UGT1A6: variants seen among roughly 807,000 people sequenced by gnomAD.
UGT1A6 encodes the protein UDP glucuronosyltransferase family 1 member A6.
In UGT1A6, 32 loss-of-function variants were observed where a neutral mutation model predicts 44.4. That is an observed-to-expected ratio of 0.72 (90% CI 0.54 to 0.97). The LOEUF (loss-of-function observed/expected upper bound fraction) is 0.97. UGT1A6 is among the 50% of genes least tolerant of loss of function. The pLI, the probability that UGT1A6 is intolerant of heterozygous loss-of-function variation, is 0.00. For synonymous variants in UGT1A6, 238 were observed against 248.5 expected (o/e 0.96, Z 0.40); for missense variants, 685 against 661.9 (o/e 1.03, Z -0.38).
intron 1 of UGT1A6, among the ~76,000 whole-genome samples, chr2:233,749,081 G>A (rs958459779): frequency 6.6e-6 from 1 of 151,758 alleles, no homozygotes; most frequent in African/African-American, 2.4e-5. Flanking sequence ...TCCTTGGTGT[G>A]CCATGTATTT....
At chr2:233,764,492 C>G (rs1698575712) in intron 1 of UGT1A6, among the ~76,000 whole-genome samples, 1 of 152,096 alleles carries the variant, frequency 6.6e-6, no homozygotes, top group African/African-American at 2.4e-5. Context: ...TGTTTATGGA[C>G]CTGTGGGTTC....
intron 1 of UGT1A6, among the ~76,000 whole-genome samples, chr2:233,716,316 T>C (rs1429812588): frequency 1.3e-5 from 2 of 152,236 alleles, no homozygotes; most frequent in Non-Finnish European, 2.9e-5. Context: ...CCACCTGTAA[T>C]GGAATATATT....
intron 1 of UGT1A6, among the ~76,000 whole-genome samples, chr2:233,695,134 T>C (rs112070935): frequency 8.5e-5 from 6 of 70,536 alleles, no homozygotes; most frequent in South Asian, 5.4e-4. Context: ...TCTTTTCTTT[T>C]TTTTTTTTTT....
At chr2:233,740,771 A>G (rs1027399973) in intron 1 of UGT1A6, 1 of 151,854 alleles carries the variant, frequency 6.6e-6, no homozygotes, top group African/African-American at 2.4e-5. Context: ...AAACCGTTGT[A>G]TAAAAGATGA....
chr2:233,747,198 C>T (rs375624902), intron 1 of UGT1A6: 21 of 1,604,164 alleles, frequency 1.3e-5, no homozygotes, highest in Non-Finnish European at 1.8e-5. Context: ...GTCAGCTGTC[C>T]GTGTCTTCTG....
In UGT1A6 at chr2:233,759,136, T is replaced by C. The variant is rs1257027587; in HGVS notation, c.862-7898T>C. 2.6e-5 allele frequency among the ~76,000 whole-genome samples: 4 copies of C among 152,326 alleles called. No individual in the cohort carries two copies. In the East Asian group the frequency reaches 7.7e-4, roughly 29 times the overall value. ...GGGAGTTACAGCCTCTGGTACGCAA[T>C]GAAGGTGAGTTCCACAGAACACAAG... On this transcript the variant is annotated intron_variant, in intron 1 of 4. Transcript: ENST00000305139.
chr2:233,743,077 A>C (rs980978105), intron 1 of UGT1A6: 3 of 344,556 alleles, frequency 8.7e-6, no homozygotes, highest in African/African-American at 2.2e-5. Context: ...TGTTGGCATG[A>C]AGTGTTTATA....
chr2:233,765,938 G>C (rs1244987830), intron 1 of UGT1A6, among the ~76,000 whole-genome samples: 1 of 152,062 alleles, frequency 6.6e-6, no homozygotes, highest in Non-Finnish European at 1.5e-5. Context: ...AGGTTGTGGG[G>C]CTCTGACCTC....
At chr2:233,765,730 T>TAATAAA (rs1427774434) in intron 1 of UGT1A6, among the ~76,000 whole-genome samples, 195 of 150,280 alleles carry the variant, frequency 1.3e-3, no homozygotes, top group Admixed American at 3.5e-3. Context: ...ATAATAATAA[T>TAATAAA]AAATAAACCC....
At position 233,769,453 on chromosome 2, in the gene UGT1A6, GCATT is replaced by G; in HGVS notation, c.1301+1018_1301+1021del. The G allele has an allele frequency of 6.3e-7, 1 of 1,591,058 alleles. No homozygotes were observed. Among genetic ancestry groups the G allele is most frequent in the Non-Finnish European group, 8.6e-7 (1 of 1,161,716 alleles). Reference sequence around the variant, plus strand: ...TGCTCATGTGTGGGTGCACACGTGTGCATTCATATGCGTGTGTGTGTGTGTGCGT... The same window carrying G: ...TGCTCATGTGTGGGTGCACACGTGTGCATATGCGTGTGTGTGTGTGTGCGT... On this transcript the variant is annotated intron_variant, in intron 4 of 4. Coordinates refer to ENST00000305139, the MANE Select transcript of UGT1A6 (RefSeq NM_001072.4). This position sits in a 1 kb window ranked among gnomAD's most constrained non-coding sequence, Gnocchi z 4.4.
chr2:233,744,892 C>A (rs28900378), intron 1 of UGT1A6, among the ~76,000 whole-genome samples: 2 of 151,832 alleles, frequency 1.3e-5, no homozygotes, highest in Non-Finnish European at 2.9e-5. Flanking sequence ...ACCCTCCTCT[C>A]CATACCAAAA....
rs770662663 is a variant in UGT1A6, at chr2:233,769,604, A to G, written c.1301+1165A>G. 1.9e-6 allele frequency: 3 copies of G among 1,612,850 alleles called. No homozygotes were observed. In the South Asian group the frequency reaches 3.3e-5, roughly 18 times the overall value. On this transcript the variant is annotated intron_variant, in intron 4 of 4. Transcript: ENST00000305139. The surrounding 1 kb of genome is among the most constrained non-coding windows in gnomAD (Gnocchi z 4.4). ...AGATGAGAGGAGACGGAACACGGGG[A>G]CACACCAGCTTGAGCAAGGGACAAC...
intron 1 of UGT1A6, 116 bp from the exon 2 acceptor site, chr2:233,766,918 A>G: frequency 1.3e-6 from 2 of 1,548,282 alleles, no homozygotes; most frequent in Non-Finnish European, 1.7e-6. Flanking sequence ...TCTATCTCAA[A>G]CACGCATGCC....
At chr2:233,734,641 G>T (rs777455810) in intron 1 of UGT1A6, among the ~76,000 whole-genome samples, 1 of 152,096 alleles carries the variant, frequency 6.6e-6, no homozygotes, top group East Asian at 1.9e-4. Context: ...GCTTTCTCCT[G>T]TGGGGATTTA....
chr2:233,704,177 C>T lies in UGT1A6; in HGVS notation c.861+10312C>T, dbSNP rs568272633. Among the ~76,000 whole-genome samples the T allele has an allele frequency of 4.6e-5, 7 of 151,930 alleles. No homozygotes were observed. In the South Asian group the frequency reaches 1.0e-3, roughly 23 times the overall value. ...AAGTACTGGGATTACAGGTGTGAGC[C>T]ACTGTGCCTGGCCCCATTTTACTTT... On this transcript the variant is annotated intron_variant, in intron 1 of 4. Transcript: ENST00000305139.
In UGT1A6 at chr2:233,725,255, AGAGGCAGAG is replaced by A. The variant is rs1488139555; in HGVS notation, c.861+31401_861+31409del. On this transcript the variant is annotated intron_variant, in intron 1 of 4. Coordinates refer to ENST00000305139, the MANE Select transcript of UGT1A6 (RefSeq NM_001072.4). Reference sequence around the variant, plus strand: ...CAGAGGAGGCAGAGGCAGAGGAGGCAGAGGCAGAGGAGGCAGAGGCAGAGGCAGAGGCAG... The same window carrying A: ...CAGAGGAGGCAGAGGCAGAGGAGGCAGAGGCAGAGGCAGAGGCAGAGGCAG... Among the ~76,000 whole-genome samples, 19 of 63,990 alleles carry A rather than the reference AGAGGCAGAG, an allele frequency of 3.0e-4. 2 individuals carry two copies. Among genetic ancestry groups the A allele is most frequent in the African/African-American group, 1.5e-3 (12 of 7,816 alleles). 42.0% of individuals were successfully genotyped at this position (63,990 alleles called of 152,430 possible).
intron 1 of UGT1A6, among the ~76,000 whole-genome samples, chr2:233,721,048 T>A (rs1417218537): frequency 6.6e-6 from 1 of 152,110 alleles, no homozygotes. Flanking sequence ...TGAGCCCTTT[T>A]TTGTCATATT....
intron 1 of UGT1A6, among the ~76,000 whole-genome samples, chr2:233,745,372 T>A (rs1423074391): frequency 1.3e-5 from 2 of 151,860 alleles, no homozygotes; most frequent in Non-Finnish European, 2.9e-5. Flanking sequence ...AGATCTGAGT[T>A]CTCTTCACCT....
chr2:233,698,490 C>A (rs2075443801), intron 1 of UGT1A6, among the ~76,000 whole-genome samples: 1 of 152,106 alleles, frequency 6.6e-6, no homozygotes. Flanking sequence ...AAAATGCAGT[C>A]CTCATTAGGC....
Sources: gnomAD v4.1 joint callset for allele counts (sites outside exome capture counted in the v4.1 genomes callset) on GRCh38, gnomAD v4.1.1 for gene constraint, Gnocchi (gnomAD v3.1) non-coding constraint, MANE v1.5 for transcripts, NCBI Gene and HGNC (gene_info 2026-07-23, HGNC 2026-07-21) for gene names.